The following KLC2 variants were observed in gnomAD, a reference collection of about 807,000 sequenced individuals.
KLC2 encodes kinesin light chain 2.
In KLC2, 35 loss-of-function variants were observed where a neutral mutation model predicts 75.1. That is an observed-to-expected ratio of 0.47 (90% CI 0.36 to 0.62). KLC2 has a LOEUF of 0.62. KLC2 is among the 20% of genes least tolerant of loss of function. The probability of loss-of-function intolerance (pLI) is 0.00; values close to 1 mark genes in which losing one functional copy is unlikely to be tolerated. For synonymous variants in KLC2, 314 were observed against 336.7 expected (o/e 0.93, Z 0.74); for missense variants, 611 against 833.2 (o/e 0.73, Z 3.28).
chr11:66,267,607 C>T lies in KLC2; in HGVS notation c.*651C>T. ...CGGGGACCTCCCCTTAGTCCGTCCT[C>T]CCACCGCCGGGCCCTGCCCCGCATC... is the stretch of plus-strand genomic sequence containing the variant. On this transcript the variant is annotated 3_prime_UTR_variant, in exon 16 of 16. Transcript: ENST00000394067. 1 of 602,414 alleles carries T rather than the reference C, an allele frequency of 1.7e-6. No homozygotes were observed. The highest frequency in any genetic ancestry group is 3.0e-6 in the Non-Finnish European group (1 of 335,920). The allele number at this position is 602,414 out of a possible 1,614,324, so 37.3% of individuals were successfully genotyped here. A position where few individuals can be genotyped will look rare whatever the true frequency, so the allele number is the denominator to read the frequency against.
At chr11:66,254,794 A>G (rs536542956), upstream of KLC2, among the ~76,000 whole-genome samples, 2 of 152,050 alleles carry the variant, frequency 1.3e-5, no homozygotes, top group Admixed American at 6.6e-5. Context: ...GTGTGGTGGC[A>G]TGCGCCTGTA....
In KLC2 at chr11:66,266,421, CT is replaced by C; in HGVS notation, c.1728-8del. 1 of 1,596,242 alleles carries C rather than the reference CT, an allele frequency of 6.3e-7. No individual in the cohort carries two copies. Among genetic ancestry groups the C allele is most frequent in the Non-Finnish European group, 8.6e-7 (1 of 1,168,722 alleles). ...CTCCTTGGGCAAATCCCAGGCTGTC[CT>C]TTTCCCTCAGGATGAAGCGGGCCAG... On this transcript the variant is annotated splice_polypyrimidine_tract_variant and intron_variant, in intron 14 of 15. Coordinates refer to ENST00000394067, the MANE Select transcript of KLC2 (RefSeq NM_001318734.2).
At chr11:66,262,339 T>C in intron 4 of KLC2, 147 bp downstream of exon 4, 1 of 663,154 alleles carries the variant, frequency 1.5e-6, no homozygotes, top group Non-Finnish European at 2.7e-6. Flanking sequence ...TTGTACGTGC[T>C]GCTGCTTCTC....
intron 9 of KLC2, 80 bp from the exon 10 acceptor site, chr11:66,264,943 C>G: frequency 7.0e-7 from 1 of 1,420,820 alleles, no homozygotes; most frequent in African/African-American, 1.4e-5. Flanking sequence ...GTCTCCCCTC[C>G]CCTGACCCCA....
intron 9 of KLC2, 146 bp downstream of exon 9, chr11:66,264,590 A>C (rs939834547): frequency 2.9e-6 from 2 of 680,162 alleles, no homozygotes; most frequent in Non-Finnish European, 5.3e-6. Flanking sequence ...GTGCCCAGCC[A>C]CCTGTGCTCA....
chr11:66,254,717 T>C (rs1231061488), upstream of KLC2, among the ~76,000 whole-genome samples: 1 of 140,988 alleles, frequency 7.1e-6, no homozygotes, highest in Non-Finnish European at 1.5e-5. Flanking sequence ...GGGCGGATCA[T>C]GGTAAATGGT....
At position 66,263,200 on chromosome 11, in the gene KLC2, T is replaced by C. The variant is rs1308180830; in HGVS notation, c.752+164T>C. 14 of 609,704 alleles carry C rather than the reference T, an allele frequency of 2.3e-5. No individual in the cohort carries two copies. In the Admixed American group the frequency reaches 2.6e-4, roughly 11 times the overall value. 37.8% of individuals were successfully genotyped at this position (609,704 alleles called of 1,614,324 possible). On this transcript the variant is annotated intron_variant, in intron 5 of 15. Transcript: ENST00000394067. The stretch of plus-strand genomic sequence containing the variant: ...TGTAAGAGAGAGGCTTGGCCAGAAC[T>C]GGGGAGGGACTGCACATGAGGACTC...
intron 2 of KLC2, chr11:66,259,499 T>TG (rs1479110578): frequency 6.6e-6 from 1 of 152,278 alleles, no homozygotes; most frequent in Non-Finnish European, 1.5e-5. Flanking sequence ...ACTGTGTGAC[T>TG]GGAGCTTCAT....
At chr11:66,245,896 TC>T in the KLC2 span, among the ~76,000 whole-genome samples, 171 of 152,222 alleles carry the variant, frequency 1.1e-3, no homozygotes, top group African/African-American at 3.8e-3. Flanking sequence ...AAGAGAAGTG[TC>T]CAGAGGTGAA....
At chr11:66,250,875 G>A in the KLC2 span, among the ~76,000 whole-genome samples, 3 of 152,342 alleles carry the variant, frequency 2.0e-5, no homozygotes, top group Non-Finnish European at 4.4e-5. Flanking sequence ...GAAGAGTCTA[G>A]GCCCTGAGGA....
At position 66,267,395 on chromosome 11, in the gene KLC2, G is replaced by A; in HGVS notation, c.*439G>A. The A allele has an allele frequency of 1.4e-6, 1 of 718,830 alleles. No homozygotes were observed. Among genetic ancestry groups the A allele is most frequent in the Non-Finnish European group, 2.6e-6 (1 of 386,430 alleles). The allele number at this position is 718,830 out of a possible 1,614,324, so 44.5% of individuals were successfully genotyped here. A position where few individuals can be genotyped will look rare whatever the true frequency, so the allele number is the denominator to read the frequency against. On this transcript the variant is annotated 3_prime_UTR_variant, in exon 16 of 16. Coordinates refer to ENST00000394067, the MANE Select transcript of KLC2 (RefSeq NM_001318734.2). ...TCCCTTCAGTCCACGGTACTACCCG[G>A]GCCTCCCCTCGTCCCTCTTCTAGTG... is the stretch of plus-strand genomic sequence containing the variant.
Position 66,267,019 on chromosome 11 carries a change from C to CGCATG in KLC2, c.*65_*69dup. 6.3e-7 allele frequency: 1 copy of CGCATG among 1,591,770 alleles called. No homozygotes were observed. The highest frequency in any genetic ancestry group is 1.7e-4 in the Middle Eastern group (1 of 5,854). ...GCACACCCCCCTCACCCCAGCCCTG[C>CGCATG]GCATGGGCCTGCTGCTTGTCCCGCC... On this transcript the variant is annotated 3_prime_UTR_variant, in exon 16 of 16. Coordinates refer to ENST00000394067, the MANE Select transcript of KLC2 (RefSeq NM_001318734.2).
chr11:66,267,235 A>G lies in KLC2; in HGVS notation c.*279A>G. 6.7e-7 allele frequency: 1 copy of G among 1,500,434 alleles called. No homozygotes were observed. The highest frequency in any genetic ancestry group is 1.2e-5 in the South Asian group (1 of 83,016). 92.9% of individuals were successfully genotyped at this position (1,500,434 alleles called of 1,614,324 possible). On this transcript the variant is annotated 3_prime_UTR_variant, in exon 16 of 16. Transcript: ENST00000394067. ...CGGCTGGAGTCTCCACCATAGACTC[A>G]GTGGCCTGGCCTCCCCAGACCCCAG... is the stretch of plus-strand genomic sequence containing the variant.
the KLC2 span, chr11:66,243,984 C>T: frequency 6.6e-6 from 1 of 152,462 alleles, no homozygotes; most frequent in Non-Finnish European, 1.5e-5. Context: ...CTCACCACCC[C>T]CAGGTTCCCT....
At chr11:66,265,131 G>A (rs758167865) in intron 10 of KLC2, 37 bp from the exon 11 acceptor site, 1 of 1,610,942 alleles carries the variant, frequency 6.2e-7, no homozygotes, top group South Asian at 1.1e-5. Flanking sequence ...GCAGAGGGGG[G>A]CCTGCTCTCA....
Position 66,265,936 on chromosome 11 carries a change from G to A in KLC2, c.1526G>A (p.Arg509Gln), listed in dbSNP as rs749350069. 2.8e-5 allele frequency: 44 copies of A among 1,595,606 alleles called. No individual in the cohort carries two copies. Among genetic ancestry groups the A allele is most frequent in the African/African-American group, 4.0e-5 (3 of 74,578 alleles). The change falls in exon 13 of 16, where the codon CGA becomes CAA. Residue 509 changes from arginine (R) to glutamine (Q), a missense_variant. Physicochemically the swap from Arg to Gln is conservative, Grantham distance 43 (BLOSUM62 1). Coordinates refer to ENST00000394067, the MANE Select transcript of KLC2 (RefSeq NM_001318734.2). ...AGGCGGGGAGACCGCCGCAGCAGCC[G>A]AGACATGGCTGGGGGTGCCGGGCCT... ...SGRRGDRRSS[R>Q]DMAGGAGPRS...
chr11:66,267,245 C>A lies in KLC2; in HGVS notation c.*289C>A. The A allele has an allele frequency of 7.0e-7, 1 of 1,430,854 alleles. No individual in the cohort carries two copies. Among genetic ancestry groups the A allele is most frequent in the Non-Finnish European group, 9.6e-7 (1 of 1,037,892 alleles). The allele number at this position is 1,430,854 out of a possible 1,614,324, so 88.6% of individuals were successfully genotyped here. A position where few individuals can be genotyped will look rare whatever the true frequency, so the allele number is the denominator to read the frequency against. ...CTCCACCATAGACTCAGTGGCCTGG[C>A]CTCCCCAGACCCCAGAGCCAAGAAC... On this transcript the variant is annotated 3_prime_UTR_variant, in exon 16 of 16. Transcript: ENST00000394067.
chr11:66,247,133 T>C, the KLC2 span, among the ~76,000 whole-genome samples: 3 of 152,206 alleles, frequency 2.0e-5, no homozygotes, highest in African/African-American at 7.2e-5. Flanking sequence ...CCTGTTTCTC[T>C]TGTACCCACC....
chr11:66,263,794 C>T (rs755827830), intron 6 of KLC2, 47 bp downstream of exon 6: 9 of 1,602,152 alleles, frequency 5.6e-6, no homozygotes, highest in Non-Finnish European at 7.7e-6. Flanking sequence ...CCATCCCCTG[C>T]AGGTCCCAGA....
Sources: allele counts gnomAD v4.1 joint callset (sites outside exome capture counted in the v4.1 genomes callset), GRCh38; gene constraint gnomAD v4.1.1; transcripts MANE v1.5; gene names NCBI Gene and HGNC (gene_info 2026-07-23, HGNC 2026-07-21).